The following ADAM10 variants were observed in gnomAD, a reference collection of about 807,000 sequenced individuals.
ADAM10 encodes the protein disintegrin and metalloproteinase domain-containing protein 10.
ADAM10 carries 17 observed loss-of-function variants against 90.1 expected under a neutral mutation model. That is an observed-to-expected ratio of 0.19 (90% CI 0.13 to 0.28). The LOEUF is 0.28. ADAM10 is among the 10% of genes least tolerant of loss of function. The pLI is 1.00. For synonymous variants in ADAM10, 310 were observed against 298.6 expected, an observed-to-expected ratio of 1.04 and a Z score of -0.40; for missense variants, 610 against 914.3, an observed-to-expected ratio of 0.67 and a Z score of 4.29.
intron 2 of ADAM10, chr15:58,691,969 C>T: frequency 2.3e-6 from 1 of 429,338 alleles, no homozygotes; most frequent in South Asian, 1.7e-5. Flanking sequence ...AGCCACCATG[C>T]CCAGCCGGCA....
chr15:58,601,045 T>C (rs1410038012), intron 14 of ADAM10, among the ~76,000 whole-genome samples: 2 of 152,160 alleles, frequency 1.3e-5, no homozygotes, highest in African/African-American at 2.4e-5. Flanking sequence ...TAGCAAAATA[T>C]CCCAAGCCAC....
At chr15:58,738,245 T>C (rs142030952) in intron 1 of ADAM10, among the ~76,000 whole-genome samples, 2 of 152,356 alleles carry the variant, frequency 1.3e-5, no homozygotes, top group East Asian at 1.9e-4. Flanking sequence ...ATAGGCATCA[T>C]ACTGTGTTGA....
chr15:58,733,905 T>TTTTA (rs1555423028), intron 1 of ADAM10, among the ~76,000 whole-genome samples: 2 of 148,142 alleles, frequency 1.4e-5, no homozygotes, highest in African/African-American at 4.9e-5. Flanking sequence ...TTTCATTACA[T>TTTTA]TATATATATA....
intron 8 of ADAM10, 80 bp downstream of exon 8, chr15:58,640,689 TCTCCTATA>T (rs1404963087): frequency 1.2e-4 from 150 of 1,272,750 alleles, no homozygotes; most frequent in Non-Finnish European, 1.6e-4. Context: ...GGCATCACTT[TCTCCTATA>T]CTTTGAAAAT....
At chr15:58,722,836 A>G (rs1898901674) in intron 1 of ADAM10, among the ~76,000 whole-genome samples, 1 of 144,736 alleles carries the variant, frequency 6.9e-6, no homozygotes, top group Admixed American at 7.3e-5. Context: ...GGCTCAGGTG[A>G]TTCTCCTACA....
intron 9 of ADAM10, among the ~76,000 whole-genome samples, chr15:58,632,937 T>C (rs780122103): frequency 6.6e-5 from 10 of 152,226 alleles, no homozygotes; most frequent in African/African-American, 9.6e-5. Flanking sequence ...CCAGGAGATA[T>C]AGATATTTTG....
chr15:58,700,523 G>A (rs1244827945), intron 2 of ADAM10, among the ~76,000 whole-genome samples: 1 of 151,984 alleles, frequency 6.6e-6, no homozygotes, highest in African/African-American at 2.4e-5. Flanking sequence ...AAAAACAAAT[G>A]AAACGAATGA....
rs1432437786 is a variant in ADAM10, at chr15:58,592,030, G to C, written c.*5517C>G. ...GGACCATATGTCTTGTAGTTTTCCAGAGTCTGGATTTTGCTGATTGAGTCC... is the reference window on the plus strand; with the variant it reads ...GGACCATATGTCTTGTAGTTTTCCACAGTCTGGATTTTGCTGATTGAGTCC... On this transcript the variant is annotated 3_prime_UTR_variant, in exon 16 of 16. Transcript: ENST00000260408. 2 of 152,192 alleles carry C rather than the reference G, an allele frequency of 1.3e-5. No homozygotes were observed. Among genetic ancestry groups the C allele is most frequent in the African/African-American group, 4.8e-5 (2 of 41,426 alleles). The allele number at this position is 152,192 out of a possible 1,614,324, so 9.4% of individuals were successfully genotyped here. A position where few individuals can be genotyped will look rare whatever the true frequency, so the allele number is the denominator to read the frequency against.
At chr15:58,599,853 G>A (rs1412939278) in intron 14 of ADAM10, 129 bp from the exon 15 acceptor site, 3 of 875,248 alleles carry the variant, frequency 3.4e-6, no homozygotes, top group Non-Finnish European at 5.2e-6. Context: ...TTGTTTAGGA[G>A]TTGTATACAT....
intron 1 of ADAM10, among the ~76,000 whole-genome samples, chr15:58,746,863 A>C (rs2140856509): frequency 6.6e-6 from 1 of 152,370 alleles, no homozygotes; most frequent in East Asian, 1.9e-4. Context: ...GATAAAGACA[A>C]AATTAGTCTG....
Position 58,621,641 on chromosome 15 carries a change from CAAAGT to C in ADAM10, c.1361-25_1361-21del. The C allele has an allele frequency of 6.2e-7, 1 of 1,613,186 alleles. No individual in the cohort carries two copies. The highest frequency in any genetic ancestry group is 2.2e-5 in the East Asian group (1 of 44,854). On this transcript the variant is annotated intron_variant, in intron 10 of 15. Coordinates refer to ENST00000260408, the MANE Select transcript of ADAM10 (RefSeq NM_001110.4). ...CAGATTCTGAGGAAAATAAACAAGA[CAAAGT>C]AAGCATTGTGTGCACACATTAATTT...
chr15:58,661,755 G>A (rs1277652341), intron 5 of ADAM10, among the ~76,000 whole-genome samples: 5 of 151,976 alleles, frequency 3.3e-5, no homozygotes, highest in African/African-American at 1.2e-4. Flanking sequence ...TCTTCCTGCT[G>A]GACGTCAATT....
intron 8 of ADAM10, among the ~76,000 whole-genome samples, chr15:58,634,255 T>C (rs1236419189): frequency 2.0e-5 from 3 of 151,614 alleles, no homozygotes; most frequent in African/African-American, 4.9e-5. Context: ...TGAGTTGAGA[T>C]TGTGCCACTG....
At chr15:58,727,882 G>C (rs1899092467) in intron 1 of ADAM10, among the ~76,000 whole-genome samples, 1 of 152,044 alleles carries the variant, frequency 6.6e-6, no homozygotes, top group Non-Finnish European at 1.5e-5. Flanking sequence ...CATAAAAAAA[G>C]CTTCAAAGTA....
rs376572270 is a variant in ADAM10 at position 58,610,980 on chromosome 15, G to A, written c.1804+19C>T. ...AGTTTGAGGCAAATTTTATACTCTT[G>A]TGTTTTTAAAAGCCTTACTTTTCTT... On this transcript the variant is annotated intron_variant, in intron 13 of 15. Coordinates refer to ENST00000260408, the MANE Select transcript of ADAM10 (RefSeq NM_001110.4). 2 of 1,571,014 alleles carry A rather than the reference G, an allele frequency of 1.3e-6. No individual in the cohort carries two copies. Among genetic ancestry groups the A allele is most frequent in the African/African-American group, 2.7e-5 (2 of 73,970 alleles).
intron 5 of ADAM10, among the ~76,000 whole-genome samples, chr15:58,663,364 C>T (rs1897013079): frequency 6.6e-6 from 1 of 152,188 alleles, no homozygotes; most frequent in African/African-American, 2.4e-5. Context: ...TACCACATAA[C>T]AAAGTTTCAT....
Position 58,728,984 on chromosome 15 carries a change from A to T in ADAM10, c.56-11257T>A, listed in dbSNP as rs181688733. On this transcript the variant is annotated intron_variant, in intron 1 of 15. Transcript: ENST00000260408. ...AAACCAACATCAAGGCAAAATATCCATTGAGAAAACAGCAACTAAGCCATT... is the reference window on the plus strand; with the variant it reads ...AAACCAACATCAAGGCAAAATATCCTTTGAGAAAACAGCAACTAAGCCATT... Among the ~76,000 whole-genome samples the T allele has an allele frequency of 6.8e-4, 103 of 152,344 alleles. 1 individual carries two copies. The highest frequency in any genetic ancestry group is 2.2e-3 in the African/African-American group (91 of 41,582).
At chr15:58,651,806 T>C (rs1415077119) in intron 5 of ADAM10, among the ~76,000 whole-genome samples, 1 of 152,144 alleles carries the variant, frequency 6.6e-6, no homozygotes, top group Admixed American at 6.5e-5. Flanking sequence ...TATTTGTAGT[T>C]TTTTGAGGAA....
chr15:58,600,768 C>T (rs1453459396), intron 14 of ADAM10, among the ~76,000 whole-genome samples: 1 of 152,116 alleles, frequency 6.6e-6, no homozygotes, highest in Non-Finnish European at 1.5e-5. Context: ...ACCACATGTA[C>T]TAATAAACAT....
Sources: allele counts gnomAD v4.1 joint callset (sites outside exome capture counted in the v4.1 genomes callset), GRCh38; gene constraint gnomAD v4.1.1; transcripts MANE v1.5; gene names NCBI Gene and HGNC (gene_info 2026-07-23, HGNC 2026-07-21).